Variants in POTEF observed in about 807,000 individuals in gnomAD.
POTEF encodes POTE ankyrin domain family member F.
POTEF carries 20 observed loss-of-function variants against 83.2 expected under a neutral mutation model. That is an observed-to-expected ratio of 0.24 (90% confidence interval 0.17 to 0.35). The LOEUF is 0.35. Ranked by LOEUF, POTEF falls within the 10% of genes least tolerant of loss-of-function variation. POTEF has a pLI of 1.00. For synonymous variants in POTEF, 196 were observed against 446.4 expected, an observed-to-expected ratio of 0.44 and a Z score of 7.07; for missense variants, 550 against 1,203.2, an observed-to-expected ratio of 0.46 and a Z score of 8.03.
At chr2:130,105,175 C>G (rs1684487159) in intron 8 of POTEF, among the ~76,000 whole-genome samples, 1 of 146,170 alleles carries the variant, frequency 6.8e-6, no homozygotes, top group Non-Finnish European at 1.5e-5. Flanking sequence ...GCTTTATATT[C>G]CCACTGCCAC....
At chr2:130,121,080 G>A (rs1428467599) in intron 2 of POTEF, among the ~76,000 whole-genome samples, 1 of 151,842 alleles carries the variant, frequency 6.6e-6, no homozygotes, top group Admixed American at 6.6e-5. Flanking sequence ...GCGCGTGCAA[G>A]CCGTTACAAG....
chr2:130,120,713 A>G (rs1684979904), intron 2 of POTEF, 105 bp from the exon 3 acceptor site: 3 of 960,008 alleles, frequency 3.1e-6, no homozygotes, highest in Non-Finnish European at 3.0e-6. Flanking sequence ...ACCCGAGGAA[A>G]GCCCACGCCC....
chr2:130,109,939 C>T (rs11902587), intron 7 of POTEF, among the ~76,000 whole-genome samples: 1 of 151,216 alleles, frequency 6.6e-6, no homozygotes, highest in Non-Finnish European at 1.5e-5. Context: ...ACATCAAAGT[C>T]ACTGTATGAA....
At position 130,075,286 on chromosome 2, in the gene POTEF, G is replaced by A. The variant is rs527763469; in HGVS notation, c.2186C>T (p.Ala729Val). 4.8e-5 allele frequency: 77 copies of A among 1,612,624 alleles called. No individual in the cohort carries two copies. The African/African-American group carries it at 6.7e-4, about 14-fold the overall frequency. The change falls in exon 17 of 17, where the codon GCT (alanine) becomes GTT (valine). Residue 729 changes from alanine (A) to valine (V), a missense_variant. By Grantham distance (64) the Ala-to-Val change is moderately conservative. Coordinates refer to ENST00000409914, the MANE Select transcript of POTEF (RefSeq NM_001099771.2). The stretch of plus-strand genomic sequence containing the variant: ...GCGCCCCACGATGGAAGGGAAGACA[G>A]CCCGGGGGGCATCGTCGCCCGCAAA... ...AGFAGDDAPR[A>V]VFPSIVGRPR...
chr2:130,120,838 G>A (rs1230222832), intron 2 of POTEF: 1 of 443,536 alleles, frequency 2.3e-6, no homozygotes, highest in African/African-American at 2.2e-5. Flanking sequence ...GCCCAGCAAA[G>A]GAACACGAGA....
chr2:130,118,148 G>C (rs1222914216), intron 3 of POTEF, among the ~76,000 whole-genome samples: 1 of 151,570 alleles, frequency 6.6e-6, no homozygotes, highest in Non-Finnish European at 1.5e-5. Context: ...CACCACACTG[G>C]CCAGGCTGGT....
intron 2 of POTEF, among the ~76,000 whole-genome samples, chr2:130,122,225 C>T (rs1685016241): frequency 6.7e-6 from 1 of 150,258 alleles, no homozygotes; most frequent in African/African-American, 2.5e-5. Flanking sequence ...CTCCAAAATT[C>T]ATGGACATTT....
rs1198602855 is a variant in POTEF, at chr2:130,074,560, GATT to G, written c.2909_2911del (p.Glu970_Ser971delinsAla). On this transcript the variant is annotated inframe_deletion, in exon 17 of 17. Transcript: ENST00000409914. Reference sequence around the variant, plus strand: ...GAAGGTAGTTTCATGGATGCCACAGGATTCCATGCCCAGGAAGCAAGGCTGGAA... The same window carrying G: ...GAAGGTAGTTTCATGGATGCCACAGGCCATGCCCAGGAAGCAAGGCTGGAA... 23 of 1,502,226 alleles carry G rather than the reference GATT, an allele frequency of 1.5e-5. No homozygotes were observed. Among genetic ancestry groups the G allele is most frequent in the Non-Finnish European group, 6.3e-6 (7 of 1,116,862 alleles). 93.1% of individuals were successfully genotyped at this position (1,502,226 alleles called of 1,614,324 possible). A position where few individuals can be genotyped will look rare whatever the true frequency, so the allele number is the denominator to read the frequency against.
chr2:130,103,537 A>C, intron 8 of POTEF, among the ~76,000 whole-genome samples: 1 of 123,378 alleles, frequency 8.1e-6, no homozygotes, highest in African/African-American at 3.2e-5. Context: ...TACCACCTGA[A>C]CTGTACATTA....
rs1684643940 is a variant in POTEF, at chr2:130,109,460, G to GCT, written c.1055+1082_1055+1083insAG. 5 of 146,644 alleles carry GCT rather than the reference G, an allele frequency of 3.4e-5. No homozygotes were observed. The South Asian group carries it at 1.1e-3, about 32-fold the overall frequency. 9.1% of individuals were successfully genotyped at this position (146,644 alleles called of 1,614,324 possible). On this transcript the variant is annotated intron_variant, in intron 7 of 16. Transcript: ENST00000409914. ...AAATATCTTAAAATCTTGAGCTAGA[G>GCT]ATGGAAGTAGCTCCGATAATTTTCA...
chr2:130,119,704 AG>A (rs1029588790), intron 3 of POTEF, among the ~76,000 whole-genome samples: 2 of 150,716 alleles, frequency 1.3e-5, no homozygotes, highest in Admixed American at 1.3e-4. Flanking sequence ...TAAAATCTGT[AG>A]ATTAAAAATA....
At chr2:130,114,112 G>T (rs932606149) in intron 5 of POTEF, among the ~76,000 whole-genome samples, 4 of 151,170 alleles carry the variant, frequency 2.6e-5, no homozygotes, top group African/African-American at 9.8e-5. Flanking sequence ...TCTGCTCAAG[G>T]GTTTCCTCTT....
In POTEF at chr2:130,110,545, A is replaced by G. The variant is rs765959521; in HGVS notation, c.1053T>C (p.His351=). The change falls in exon 7 of 17, where the codon CAT becomes CAC. Residue 351 remains histidine, a splice_region_variant and synonymous_variant. Coordinates refer to ENST00000409914, the MANE Select transcript of POTEF (RefSeq NM_001099771.2). Reference sequence around the variant, plus strand: ...AGCCTTTTAATGTAAACACTTACACATGATGATGACTAGAAACAGCATACT... The same window carrying G: ...AGCCTTTTAATGTAAACACTTACACGTGATGATGACTAGAAACAGCATACT... ...AREYAVSSHH[H]VICQLLSDYK... is the part of the protein sequence containing the mutation. 4 of 1,477,064 alleles carry G rather than the reference A, an allele frequency of 2.7e-6. No individual in the cohort carries two copies. Among genetic ancestry groups the G allele is most frequent in the East Asian group, 4.7e-5 (2 of 42,430 alleles). The allele number at this position is 1,477,064 out of a possible 1,614,324, so 91.5% of individuals were successfully genotyped here.
At position 130,101,026 on chromosome 2, in the gene POTEF, G is replaced by C. The variant is rs533443351; in HGVS notation, c.1198-306C>G. Among the ~76,000 whole-genome samples the C allele has an allele frequency of 2.3e-4, 33 of 144,086 alleles. 3 individuals carry two copies. The highest frequency in any genetic ancestry group is 8.3e-4 in the African/African-American group (30 of 36,164). 94.5% of individuals were successfully genotyped at this position (144,086 alleles called of 152,430 possible). On this transcript the variant is annotated intron_variant, in intron 9 of 16. Coordinates refer to ENST00000409914, the MANE Select transcript of POTEF (RefSeq NM_001099771.2). Reference sequence around the variant, plus strand: ...AGCAAACTTAATTTGGTCACCATTTGTTTGGACTAAACTTAATTTGTTATG... The same window carrying C: ...AGCAAACTTAATTTGGTCACCATTTCTTTGGACTAAACTTAATTTGTTATG...
rs1684974072 is a variant in POTEF at position 130,120,540 on chromosome 2, C to T, written c.-25G>A. ...TCTGCTTTTAACAGCCAGGAGAAGC[C>T]AGTAGTAGCCAACAGATCGCGTCTA... On this transcript the variant is annotated 5_prime_UTR_variant, in exon 3 of 17. Coordinates refer to ENST00000409914, the MANE Select transcript of POTEF (RefSeq NM_001099771.2). 1.9e-6 allele frequency: 3 copies of T among 1,611,564 alleles called. No individual in the cohort carries two copies. The highest frequency in any genetic ancestry group is 2.5e-6 in the Non-Finnish European group (3 of 1,179,408).
chr2:130,122,903 A>T (rs964835840), intron 2 of POTEF, among the ~76,000 whole-genome samples: 4 of 151,416 alleles, frequency 2.6e-5, no homozygotes, highest in Non-Finnish European at 4.4e-5. Flanking sequence ...TATAGTGTTT[A>T]TCAGCTGTAA....
chr2:130,085,171 A>ATG (rs1456060413), intron 15 of POTEF, among the ~76,000 whole-genome samples: 4 of 108,132 alleles, frequency 3.7e-5, no homozygotes, highest in Non-Finnish European at 7.0e-5. Context: ...ACTGTTATAT[A>ATG]TGTGTGTGTG....
intron 9 of POTEF, among the ~76,000 whole-genome samples, chr2:130,100,967 C>T (rs1684355007): frequency 6.7e-6 from 1 of 148,832 alleles, no homozygotes; most frequent in African/African-American, 2.6e-5. Flanking sequence ...AAAAATAATT[C>T]ACCTTAGCCC....
In POTEF at chr2:130,113,988, G is replaced by A. The variant is rs372156052; in HGVS notation, c.810+893C>T. 9.5e-3 allele frequency among the ~76,000 whole-genome samples: 1,447 copies of A among 152,114 alleles called. 15 individuals are homozygous for A. Among genetic ancestry groups the A allele is most frequent in the Non-Finnish European group, 0.016 (1,082 of 68,014 alleles). On this transcript the variant is annotated intron_variant, in intron 5 of 16. Coordinates refer to ENST00000409914, the MANE Select transcript of POTEF (RefSeq NM_001099771.2). ...AAAATCCAACTTGATCTTGTTACTT[G>A]TTTATCTTCCACCTTCCCATCCAGA... is the stretch of plus-strand genomic sequence containing the variant.
Sources: allele counts gnomAD v4.1 joint callset (sites outside exome capture counted in the v4.1 genomes callset), GRCh38; gene constraint gnomAD v4.1.1; transcripts MANE v1.5; gene names NCBI Gene and HGNC (gene_info 2026-07-23, HGNC 2026-07-21).